CCDC171: variants seen among roughly 807,000 people sequenced by gnomAD.
CCDC171 encodes coiled-coil domain-containing protein 171.
In CCDC171, 177 loss-of-function variants were observed where a neutral mutation model predicts 168.2. The observed-to-expected ratio is 1.05, with a 90% CI of 0.93 to 1.19. CCDC171 has a LOEUF of 1.19. Among genes scored for constraint, CCDC171 ranks in the 50% most tolerant of loss-of-function variants. The probability of loss-of-function intolerance (pLI) is 0.00; values close to 1 mark genes in which losing one functional copy is unlikely to be tolerated. For missense variants in CCDC171, 1,991 were observed against 1,539.0 expected, an observed-to-expected ratio of 1.29 and a Z score of -4.91; for synonymous variants, 687 against 540.8, an observed-to-expected ratio of 1.27 and a Z score of -3.75.
Position 15,623,475 on chromosome 9 carries a change from G to GCGCGCGCGCTCACACACACA in CCDC171, c.822+63_822+64insGCGCGCGCTCACACACACAC. The stretch of plus-strand genomic sequence containing the variant: ...CAAACTTTCACATATGCGCGCGCGC[G>GCGCGCGCGCTCACACACACA]CACACACACACACACACACACACAC... On this transcript the variant is annotated intron_variant, in intron 7 of 25. Coordinates refer to ENST00000380701, the MANE Select transcript of CCDC171 (RefSeq NM_173550.4). The GCGCGCGCGCTCACACACACA allele has an allele frequency of 8.6e-4, 270 of 315,468 alleles. 14 individuals are homozygous for GCGCGCGCGCTCACACACACA. The South Asian group carries it at 0.012, about 14-fold the overall frequency. 19.5% of individuals were successfully genotyped at this position (315,468 alleles called of 1,614,324 possible).
chr9:15,901,903 AATGAG>A (rs2131640760), intron 24 of CCDC171, among the ~76,000 whole-genome samples: 1 of 152,322 alleles, frequency 6.6e-6, no homozygotes, highest in Non-Finnish European at 1.5e-5. Flanking sequence ...AATAGTTTAT[AATGAG>A]ATGAGAGACT....
At position 15,983,817 on chromosome 9, in the gene CCDC171, A is replaced by AGTGTGTGTGT. The variant is rs58951910; in HGVS notation, n.369-36741_369-36732dup. ...AGGGAGGCAAGAGCTAAATAAAGAG[A>AGTGTGTGTGT]GTGTGTGTGTGTGTGTGTGTGTGTG... On this transcript the variant is annotated intron_variant and non_coding_transcript_variant, in intron 3 of 9. Transcript: ENST00000486641. 9.8e-3 allele frequency among the ~76,000 whole-genome samples: 1,400 copies of AGTGTGTGTGT among 142,534 alleles called. 21 individuals are homozygous for AGTGTGTGTGT. Among genetic ancestry groups the AGTGTGTGTGT allele is most frequent in the African/African-American group, 0.028 (1,087 of 38,630 alleles). 93.5% of individuals were successfully genotyped at this position (142,534 alleles called of 152,430 possible).
chr9:15,741,196 G>A (rs1340965972), intron 16 of CCDC171, among the ~76,000 whole-genome samples: 1 of 152,136 alleles, frequency 6.6e-6, no homozygotes, highest in Non-Finnish European at 1.5e-5. Context: ...CATTAAGTGT[G>A]TTCACAGTAT....
chr9:15,928,984 A>T (rs1275482506), intron 25 of CCDC171, among the ~76,000 whole-genome samples: 1 of 151,602 alleles, frequency 6.6e-6, no homozygotes, highest in Non-Finnish European at 1.5e-5. Context: ...GACTAACCCA[A>T]ATCCTGATAG....
At chr9:15,705,301 A>G (rs1419261798) in intron 11 of CCDC171, among the ~76,000 whole-genome samples, 1 of 152,174 alleles carries the variant, frequency 6.6e-6, no homozygotes, top group Non-Finnish European at 1.5e-5. Flanking sequence ...CAAAAAACCT[A>G]AGTTAGAGTG....
chr9:15,897,062 A>G (rs1465424731), intron 24 of CCDC171, among the ~76,000 whole-genome samples: 2 of 152,102 alleles, frequency 1.3e-5, no homozygotes, highest in African/African-American at 4.8e-5. Flanking sequence ...CATTCCTTCT[A>G]TACATATATC....
chr9:15,752,342 C>G (rs936256628), intron 18 of CCDC171, among the ~76,000 whole-genome samples: 2 of 152,146 alleles, frequency 1.3e-5, no homozygotes, highest in African/African-American at 4.8e-5. Flanking sequence ...GACAGTTTGG[C>G]AATTCCTCAA....
chr9:15,678,980 C>T, intron 10 of CCDC171, 84 bp downstream of exon 10: 1 of 1,027,442 alleles, frequency 9.7e-7, no homozygotes, highest in Non-Finnish European at 1.4e-6. Context: ...CACCACATTC[C>T]ATGAGATAAT....
At chr9:16,050,062 T>C (rs918883630) in intron 1 of CCDC171, among the ~76,000 whole-genome samples, 4 of 152,110 alleles carry the variant, frequency 2.6e-5, no homozygotes, top group African/African-American at 9.7e-5. Flanking sequence ...AATTTTTGTA[T>C]TTTTAGTAGG....
At chr9:15,979,018 T>C (rs992174360), downstream of CCDC171, among the ~76,000 whole-genome samples, 10 of 152,180 alleles carry the variant, frequency 6.6e-5, no homozygotes, top group Non-Finnish European at 1.3e-4. Flanking sequence ...GCTTCCTTCA[T>C]TGAGACTTAA....
intron 6 of CCDC171, among the ~76,000 whole-genome samples, chr9:15,607,239 G>C (rs927868030): frequency 3.9e-5 from 6 of 152,046 alleles, no homozygotes; most frequent in African/African-American, 1.2e-4. Flanking sequence ...ATGTTTACTG[G>C]AACTGGAAAC....
At chr9:15,793,901 CT>C (rs2058413998) in intron 21 of CCDC171, among the ~76,000 whole-genome samples, 1 of 151,956 alleles carries the variant, frequency 6.6e-6, no homozygotes, top group South Asian at 2.1e-4. Context: ...TATCTATACT[CT>C]CTGGGGCATA....
At chr9:15,932,531 T>C (rs1038546960) in intron 25 of CCDC171, among the ~76,000 whole-genome samples, 2 of 151,906 alleles carry the variant, frequency 1.3e-5, no homozygotes, top group East Asian at 1.9e-4. Flanking sequence ...GGGTTTTCTA[T>C]GTATAAGATT....
chr9:15,866,761 G>A (rs10733305), intron 23 of CCDC171, among the ~76,000 whole-genome samples: 54,690 of 151,816 alleles, frequency 0.36, 12,316 homozygotes, highest in East Asian at 0.65. Flanking sequence ...TGGGAAGCTA[G>A]AAAATGCATT....
chr9:15,818,524 A>T lies in CCDC171; in HGVS notation c.3268-28178A>T, dbSNP rs1369010831. Among the ~76,000 whole-genome samples, 2 of 118,782 alleles carry T rather than the reference A, an allele frequency of 1.7e-5. 1 individual carries two copies. The highest frequency in any genetic ancestry group is 4.2e-4 in the East Asian group (2 of 4,738). 77.9% of individuals were successfully genotyped at this position (118,782 alleles called of 152,430 possible). Reference sequence around the variant, plus strand: ...AAAGGACCTGATGAAGCTGAAAACCACGGCACGAGAACTACGTGATAAATG... The same window carrying T: ...AAAGGACCTGATGAAGCTGAAAACCTCGGCACGAGAACTACGTGATAAATG... On this transcript the variant is annotated intron_variant, in intron 21 of 25. Coordinates refer to ENST00000380701, the MANE Select transcript of CCDC171 (RefSeq NM_173550.4).
At chr9:15,784,745 G>T in intron 21 of CCDC171, 51 bp downstream of exon 21, 2 of 1,331,662 alleles carry the variant, frequency 1.5e-6, no homozygotes, top group East Asian at 2.3e-5. Context: ...TCTATGTGTG[G>T]ATCTTAGAGG....
At chr9:15,605,993 G>T (rs2043199623) in intron 6 of CCDC171, among the ~76,000 whole-genome samples, 1 of 152,062 alleles carries the variant, frequency 6.6e-6, no homozygotes, top group African/African-American at 2.4e-5. Flanking sequence ...CAGATATGCT[G>T]TGTTTTTTTC....
At chr9:16,006,090 G>C (rs1832687828) in intron 3 of CCDC171, among the ~76,000 whole-genome samples, 1 of 152,016 alleles carries the variant, frequency 6.6e-6, no homozygotes, top group South Asian at 2.1e-4. Context: ...TCGAACTCCT[G>C]ACCTCAGGTG....
chr9:16,096,733 C>A, the CCDC171 span, among the ~76,000 whole-genome samples: 1 of 152,214 alleles, frequency 6.6e-6, no homozygotes, highest in Non-Finnish European at 1.5e-5. Flanking sequence ...CACTCCCTTT[C>A]CTCATCCACT....
Sources: gnomAD v4.1 joint callset for allele counts (sites outside exome capture counted in the v4.1 genomes callset) on GRCh38, gnomAD v4.1.1 for gene constraint, MANE v1.5 for transcripts, NCBI Gene and HGNC (gene_info 2026-07-23, HGNC 2026-07-21) for gene names.